WWOX: variants seen among roughly 807,000 people sequenced by gnomAD.
The protein encoded by WWOX is WW domain containing oxidoreductase.
In WWOX, 69 loss-of-function variants were observed where a neutral mutation model predicts 46.2. That is an observed-to-expected ratio of 1.49 (90% CI 1.23 to 1.82). The LOEUF is 1.82. Among genes scored for constraint, WWOX ranks in the 40% most tolerant of loss-of-function variants. The pLI is 0.00. For synonymous variants in WWOX, 359 were observed against 202.6 expected, an observed-to-expected ratio of 1.77 and a Z score of -6.56; for missense variants, 919 against 542.6, an observed-to-expected ratio of 1.69 and a Z score of -6.89.
chr16:78,173,038 C>T (rs924860070), intron 5 of WWOX, among the ~76,000 whole-genome samples: 1 of 152,202 alleles, frequency 6.6e-6, no homozygotes, highest in South Asian at 2.1e-4. Flanking sequence ...GGTGATAAAA[C>T]TTCCCTACGC....
intron 8 of WWOX, among the ~76,000 whole-genome samples, chr16:78,895,025 A>T (rs2044671425): frequency 6.6e-6 from 1 of 152,208 alleles, no homozygotes; most frequent in Non-Finnish European, 1.5e-5. Flanking sequence ...GCACCGGTTT[A>T]CGAGAACTCT....
intron 8 of WWOX, among the ~76,000 whole-genome samples, chr16:78,702,909 T>C (rs1249256510): frequency 1.3e-5 from 2 of 152,186 alleles, no homozygotes; most frequent in Non-Finnish European, 2.9e-5. Context: ...TATAGGAGCT[T>C]CTGGAAACAG....
chr16:78,361,799 A>G (rs896623584), intron 5 of WWOX, among the ~76,000 whole-genome samples: 6 of 151,838 alleles, frequency 4.0e-5, no homozygotes, highest in Admixed American at 2.6e-4. Context: ...TTTAGTAGAG[A>G]TGGGGTTTCA....
intron 8 of WWOX, among the ~76,000 whole-genome samples, chr16:78,930,220 T>G (rs1380105541): frequency 8.5e-6 from 1 of 117,654 alleles, no homozygotes; most frequent in African/African-American, 3.4e-5. Context: ...TTTCAGGACC[T>G]TTCTTCCTTC....
At chr16:79,163,944 C>G (rs2050540678) in intron 8 of WWOX, among the ~76,000 whole-genome samples, 1 of 149,850 alleles carries the variant, frequency 6.7e-6, no homozygotes. Flanking sequence ...CCGTTTCTAG[C>G]CCAGCCCACG....
intron 8 of WWOX, among the ~76,000 whole-genome samples, chr16:78,751,451 TTATC>T (rs1261151820): frequency 9.4e-6 from 1 of 106,904 alleles, no homozygotes; most frequent in African/African-American, 4.0e-5. Context: ...ATATATATAT[TTATC>T]AGATTTTATA....
chr16:78,294,211 C>T (rs1220095003), intron 5 of WWOX, among the ~76,000 whole-genome samples: 1 of 152,042 alleles, frequency 6.6e-6, no homozygotes, highest in African/African-American at 2.4e-5. Flanking sequence ...TGACTTCCTT[C>T]CACGAGTTCC....
intron 8 of WWOX, among the ~76,000 whole-genome samples, chr16:78,470,975 A>T (rs553855606): frequency 6.6e-6 from 1 of 152,228 alleles, no homozygotes; most frequent in South Asian, 2.1e-4. Context: ...CATCAAGTAA[A>T]ATCAGAAACC....
intron 8 of WWOX, among the ~76,000 whole-genome samples, chr16:78,557,665 A>G (rs983530615): frequency 1.1e-4 from 16 of 143,968 alleles, no homozygotes; most frequent in African/African-American, 4.1e-4. Flanking sequence ...AATGCGACAC[A>G]TAAGTGCATT....
chr16:79,188,753 T>TA lies in WWOX; in HGVS notation c.1057-22855_1057-22854insA, dbSNP rs1167891935. On this transcript the variant is annotated intron_variant, in intron 8 of 8. Coordinates refer to ENST00000566780, the MANE Select transcript of WWOX (RefSeq NM_016373.4). Reference sequence around the variant, plus strand: ...CGAATTGCCACCTTTATTTCCAAGTTCTCCTCGAAATCCACATTCTTCCCT... The same window carrying TA: ...CGAATTGCCACCTTTATTTCCAAGTTACTCCTCGAAATCCACATTCTTCCCT... 5.9e-5 allele frequency among the ~76,000 whole-genome samples: 9 copies of TA among 152,274 alleles called. No homozygotes were observed. The East Asian group carries it at 1.7e-3, about 29-fold the overall frequency.
chr16:78,109,825 T>G lies in WWOX; in HGVS notation c.220T>G (p.Phe74Val). The change falls in exon 3 of 9, where the codon TTT becomes GTT. Residue 74 changes from phenylalanine (F) to valine (V), a missense_variant. Transcript: ENST00000566780. ...AGAAACTGATGAGAACGGACAAGTG[T>G]TTTTTGTTGAGTAAGTGTCTGCAAA... is the stretch of plus-strand genomic sequence containing the variant. The part of the protein sequence containing the change: ...EQETDENGQV[F>V]FVDHINKRTT... 1 of 1,614,124 alleles carries G rather than the reference T, an allele frequency of 6.2e-7. No homozygotes were observed. Among genetic ancestry groups the G allele is most frequent in the South Asian group, 1.1e-5 (1 of 91,086 alleles).
Position 78,976,718 on chromosome 16 carries a change from G to C in WWOX, c.1057-234890G>C, listed in dbSNP as rs944386801. ...CCTGAGACCCACCAGGAGCTCACCA[G>C]ATACTACTTCTATCTTCCCCACTCT... On this transcript the variant is annotated intron_variant, in intron 8 of 8. Transcript: ENST00000566780. Among the ~76,000 whole-genome samples, 4 of 152,192 alleles carry C rather than the reference G, an allele frequency of 2.6e-5. No homozygotes were observed. The East Asian group carries it at 5.8e-4, about 22-fold the overall frequency.
intron 8 of WWOX, among the ~76,000 whole-genome samples, chr16:78,563,969 T>C (rs1175322833): frequency 1.3e-5 from 2 of 152,226 alleles, no homozygotes; most frequent in African/African-American, 4.8e-5. Context: ...TGCTTTTATG[T>C]TGGTGCTTGC....
At chr16:78,711,277 A>C (rs979937533) in intron 8 of WWOX, among the ~76,000 whole-genome samples, 1 of 152,222 alleles carries the variant, frequency 6.6e-6, no homozygotes, top group Non-Finnish European at 1.5e-5. Context: ...TACGTTAAAA[A>C]ATATCACTTT....
intron 8 of WWOX, among the ~76,000 whole-genome samples, chr16:78,837,072 T>A (rs947346836): frequency 2.0e-5 from 3 of 151,810 alleles, no homozygotes; most frequent in African/African-American, 7.3e-5. Flanking sequence ...GTTCCAGAAT[T>A]GCAGATGGCC....
chr16:79,207,254 C>G (rs1767634077), intron 8 of WWOX, among the ~76,000 whole-genome samples: 1 of 152,226 alleles, frequency 6.6e-6, no homozygotes, highest in Non-Finnish European at 1.5e-5. Flanking sequence ...GCTGGCTTTG[C>G]ATTTGAGAAG....
At chr16:79,211,042 T>A (rs969340253) in intron 8 of WWOX, among the ~76,000 whole-genome samples, 5 of 151,840 alleles carry the variant, frequency 3.3e-5, no homozygotes, top group African/African-American at 1.2e-4. Context: ...GGAGTGTGTG[T>A]GTGTGTGTGT....
intron 8 of WWOX, among the ~76,000 whole-genome samples, chr16:78,984,362 C>T (rs1178294617): frequency 6.6e-6 from 1 of 152,156 alleles, no homozygotes. Context: ...CAAATGTTTT[C>T]TATAGAGGCC....
At chr16:78,890,750 G>A (rs986734500) in intron 8 of WWOX, 2 of 152,142 alleles carry the variant, frequency 1.3e-5, no homozygotes, top group African/African-American at 4.8e-5. Context: ...TTCACTTTCT[G>A]TTTTTTATCT....
Sources: gnomAD v4.1 joint callset for allele counts (sites outside exome capture counted in the v4.1 genomes callset) on GRCh38, gnomAD v4.1.1 for gene constraint, MANE v1.5 for transcripts, NCBI Gene and HGNC (gene_info 2026-07-23, HGNC 2026-07-21) for gene names.